Variants in SGCZ observed in about 807,000 individuals in gnomAD.
SGCZ encodes zeta-sarcoglycan.
A neutral mutation model predicts 41.3 loss-of-function variants in SGCZ; 40 were observed. The ratio of observed to expected loss-of-function variants is 0.97; its 90% CI spans 0.75 to 1.26. SGCZ has a LOEUF of 1.26. SGCZ is among the 50% of genes most tolerant of loss of function. The probability of loss-of-function intolerance (pLI) is 0.00; values close to 1 mark genes in which losing one functional copy is unlikely to be tolerated. For missense variants in SGCZ, 552 were observed against 369.8 expected, an observed-to-expected ratio of 1.49 and a Z score of -4.04; for synonymous variants, 206 against 137.5, an observed-to-expected ratio of 1.50 and a Z score of -3.49.
intron 1 of SGCZ, among the ~76,000 whole-genome samples, chr8:14,996,115 G>C (rs746891439): frequency 2.4e-4 from 36 of 152,078 alleles, no homozygotes; most frequent in Non-Finnish European, 2.1e-4. Flanking sequence ...ATGTTAGCCA[G>C]GATGGTCTGG....
chr8:14,088,416 CTTAAA>C lies in SGCZ; in HGVS notation c.*2022_*2026del, dbSNP rs1338317819. Among the ~76,000 whole-genome samples, 23 of 151,840 alleles carry C rather than the reference CTTAAA, an allele frequency of 1.5e-4. No individual in the cohort carries two copies. Among genetic ancestry groups the C allele is most frequent in the African/African-American group, 4.3e-4 (18 of 41,484 alleles). On this transcript the variant is annotated 3_prime_UTR_variant, in exon 8 of 8. Coordinates refer to ENST00000382080, the MANE Select transcript of SGCZ (RefSeq NM_139167.4). The stretch of plus-strand genomic sequence containing the variant: ...AAGGATGATTAGAACTTGAATATGT[CTTAAA>C]TTAAATTACTACATAATGTTTTCCT...
At chr8:14,675,790 A>AT (rs1226741091) in intron 1 of SGCZ, among the ~76,000 whole-genome samples, 4 of 152,218 alleles carry the variant, frequency 2.6e-5, no homozygotes, top group African/African-American at 7.2e-5. Flanking sequence ...GATATCAAAG[A>AT]TAAAAACAAG....
intron 1 of SGCZ, among the ~76,000 whole-genome samples, chr8:14,959,815 T>G (rs1800906914): frequency 6.6e-6 from 1 of 152,182 alleles, no homozygotes; most frequent in South Asian, 2.1e-4. Flanking sequence ...AGTCCAAATA[T>G]ACAGTCACTA....
intron 1 of SGCZ, among the ~76,000 whole-genome samples, chr8:14,937,216 G>C (rs1291053902): frequency 6.6e-6 from 1 of 151,684 alleles, no homozygotes; most frequent in Non-Finnish European, 1.5e-5. Flanking sequence ...CAAAAATATA[G>C]ACATTATAGG....
intron 1 of SGCZ, among the ~76,000 whole-genome samples, chr8:15,137,911 C>T (rs750284522): frequency 6.6e-5 from 10 of 152,182 alleles, no homozygotes; most frequent in Non-Finnish European, 1.5e-4. Flanking sequence ...CACCGTCCTC[C>T]AGACCCCAGA....
chr8:14,143,988 C>G (rs1253644035), intron 5 of SGCZ, among the ~76,000 whole-genome samples: 1 of 152,130 alleles, frequency 6.6e-6, no homozygotes, highest in Non-Finnish European at 1.5e-5. Context: ...ATCCCAGTGA[C>G]CCAAACTTCA....
chr8:15,165,224 T>C (rs570269919), intron 1 of SGCZ, among the ~76,000 whole-genome samples: 4 of 152,062 alleles, frequency 2.6e-5, no homozygotes, highest in African/African-American at 9.7e-5. Context: ...GAGGCAGAGG[T>C]TGCAGTGAGC....
chr8:14,208,656 GA>G (rs1236689337), intron 4 of SGCZ, among the ~76,000 whole-genome samples: 2 of 151,844 alleles, frequency 1.3e-5, no homozygotes, highest in Non-Finnish European at 2.9e-5. Flanking sequence ...TTACCATTAT[GA>G]AAACAACTAG....
intron 1 of SGCZ, among the ~76,000 whole-genome samples, chr8:14,585,964 C>T (rs62498447): frequency 0.032 from 4,892 of 152,066 alleles, 92 homozygotes; most frequent in Non-Finnish European, 0.046. Context: ...AGAAAGTCAC[C>T]TGGTGGCATT....
At chr8:14,264,184 C>T (rs573546747) in intron 3 of SGCZ, among the ~76,000 whole-genome samples, 9 of 152,336 alleles carry the variant, frequency 5.9e-5, no homozygotes, top group Non-Finnish European at 1.0e-4. Flanking sequence ...TATGACCTAG[C>T]ATTGCAGTAG....
intron 1 of SGCZ, among the ~76,000 whole-genome samples, chr8:15,043,220 T>C (rs1405726146): frequency 6.6e-6 from 1 of 152,228 alleles, no homozygotes; most frequent in Non-Finnish European, 1.5e-5. Context: ...TATTTGTTTT[T>C]AATCTCTTAA....
chr8:14,121,029 T>C (rs1358471305), intron 5 of SGCZ, among the ~76,000 whole-genome samples: 1 of 152,080 alleles, frequency 6.6e-6, no homozygotes, highest in Admixed American at 6.6e-5. Flanking sequence ...ATAACAAGTA[T>C]TATTATAAAA....
At chr8:14,272,945 T>C (rs971164027) in intron 3 of SGCZ, among the ~76,000 whole-genome samples, 2 of 152,148 alleles carry the variant, frequency 1.3e-5, no homozygotes, top group African/African-American at 2.4e-5. Flanking sequence ...TCAGTTTCTA[T>C]GTAAACTCAA....
At chr8:15,070,979 A>C (rs996068916) in intron 1 of SGCZ, among the ~76,000 whole-genome samples, 10 of 152,190 alleles carry the variant, frequency 6.6e-5, no homozygotes, top group Non-Finnish European at 1.2e-4. Context: ...TAATGTGAAC[A>C]TTACTAAGTA....
At chr8:15,115,097 G>A (rs971208871) in intron 1 of SGCZ, among the ~76,000 whole-genome samples, 1 of 152,086 alleles carries the variant, frequency 6.6e-6, no homozygotes, top group East Asian at 1.9e-4. Flanking sequence ...AAAAATATAA[G>A]AGTTTATTTC....
intron 2 of SGCZ, among the ~76,000 whole-genome samples, chr8:14,371,834 G>T (rs111379770): frequency 0.02 from 3,034 of 152,166 alleles, 82 homozygotes; most frequent in African/African-American, 0.056. Context: ...TAAATAAGAT[G>T]TACATATGGA....
intron 1 of SGCZ, among the ~76,000 whole-genome samples, chr8:14,563,146 C>G (rs1303993331): frequency 6.6e-6 from 1 of 152,172 alleles, no homozygotes; most frequent in Non-Finnish European, 1.5e-5. Context: ...GCCTCCTCCA[C>G]AGTGTGCTTC....
At chr8:14,874,741 T>C (rs1207005620) in intron 1 of SGCZ, among the ~76,000 whole-genome samples, 1 of 152,048 alleles carries the variant, frequency 6.6e-6, no homozygotes, top group African/African-American at 2.4e-5. Context: ...AAAAGGGGAA[T>C]CAGGTTGCTC....
chr8:14,836,901 G>C (rs1802719476), intron 1 of SGCZ, among the ~76,000 whole-genome samples: 1 of 152,138 alleles, frequency 6.6e-6, no homozygotes. Flanking sequence ...TCACAGTCCA[G>C]AATGTCATCT....
Sources: allele counts gnomAD v4.1 joint callset (sites outside exome capture counted in the v4.1 genomes callset), GRCh38; gene constraint gnomAD v4.1.1; transcripts MANE v1.5; gene names NCBI Gene and HGNC (gene_info 2026-07-23, HGNC 2026-07-21).